The following CS variants were observed in gnomAD, a reference collection of about 807,000 sequenced individuals.
CS encodes the protein citrate synthase, mitochondrial.
In CS, 13 loss-of-function variants were observed where a neutral mutation model predicts 61.4. The ratio of observed to expected loss-of-function variants is 0.21; its 90% CI spans 0.14 to 0.34. The LOEUF is 0.34. CS is among the 10% of genes least tolerant of loss of function. CS has a pLI of 1.00. For missense variants in CS, 278 were observed against 573.4 expected, an observed-to-expected ratio of 0.48 and a Z score of 5.26; for synonymous variants, 159 against 215.2, an observed-to-expected ratio of 0.74 and a Z score of 2.29.
intron 6 of CS, among the ~76,000 whole-genome samples, chr12:56,280,160 A>G (rs1249154828): frequency 2.0e-5 from 3 of 152,098 alleles, no homozygotes; most frequent in Non-Finnish European, 1.5e-5. Context: ...TTAAGCCTGT[A>G]ATCCCAGCAC....
chr12:56,288,756 C>G (rs754422243), intron 1 of CS, among the ~76,000 whole-genome samples: 1 of 151,770 alleles, frequency 6.6e-6, no homozygotes, highest in African/African-American at 2.4e-5. Context: ...TCAAGTGATA[C>G]TTCCACCTCA....
At position 56,285,940 on chromosome 12, in the gene CS, C is replaced by G. The variant is rs200054485; in HGVS notation, c.177G>C (p.Val59=). Reference sequence around the variant, plus strand: ...CCATGTCCACAGTGATTTGGCCCACCACCGTCTTGCCATGTTGCTGCCTGA... The same window carrying G: ...CCATGTCCACAGTGATTTGGCCCACGACCGTCTTGCCATGTTGCTGCCTGA... ...KTFRQQHGKT[V]VGQITVDMMY... is the part of the protein sequence containing the mutation. The change falls in exon 3 of 11, where the codon GTG becomes GTC. Residue 59 remains valine, a synonymous_variant. Coordinates refer to ENST00000351328, the MANE Select transcript of CS (RefSeq NM_004077.3). 3.1e-5 allele frequency: 50 copies of G among 1,612,612 alleles called. No individual in the cohort carries two copies. Among genetic ancestry groups the G allele is most frequent in the Non-Finnish European group, 4.2e-5 (49 of 1,179,926 alleles).
At chr12:56,288,402 A>G (rs993157168) in intron 1 of CS, among the ~76,000 whole-genome samples, 2 of 147,128 alleles carry the variant, frequency 1.4e-5, no homozygotes, top group African/African-American at 2.5e-5. Context: ...CCCAGGCTGA[A>G]GTGCAGTGGC....
Position 56,300,292 on chromosome 12 carries a change from G to T in CS, c.-91C>A. ...CCGCCGCCGCTGCACCAGAGGCCGC[G>T]CCGACGGGTTGACAAGGTTGAAAGG... On this transcript the variant is annotated 5_prime_UTR_variant, in exon 1 of 11. Coordinates refer to ENST00000351328, the MANE Select transcript of CS (RefSeq NM_004077.3). The T allele has an allele frequency of 7.3e-7, 1 of 1,367,110 alleles. No homozygotes were observed. Among genetic ancestry groups the T allele is most frequent in the Non-Finnish European group, 1.0e-6 (1 of 999,912 alleles). The allele number at this position is 1,367,110 out of a possible 1,614,324, so 84.7% of individuals were successfully genotyped here.
chr12:56,286,790 A>C, intron 1 of CS, 145 bp from the exon 2 acceptor site: 1 of 711,392 alleles, frequency 1.4e-6, no homozygotes. Context: ...AAAGTCCCCA[A>C]ACAGTTTGGA....
At chr12:56,299,343 AAAG>A (rs1203616732) in intron 1 of CS, among the ~76,000 whole-genome samples, 1 of 152,212 alleles carries the variant, frequency 6.6e-6, no homozygotes, top group Non-Finnish European at 1.5e-5. Context: ...AAAGGACCCC[AAAG>A]AAGGAGAGAA....
intron 4 of CS, 103 bp from the exon 5 acceptor site, chr12:56,283,094 TA>T: frequency 7.8e-7 from 1 of 1,281,530 alleles, no homozygotes; most frequent in African/African-American, 1.5e-5. Context: ...TAGAACTTTT[TA>T]TGTTAATTAT....
At chr12:56,297,529 C>T (rs1873342354) in intron 1 of CS, among the ~76,000 whole-genome samples, 1 of 152,092 alleles carries the variant, frequency 6.6e-6, no homozygotes, top group South Asian at 2.1e-4. Context: ...TGGTGAAACC[C>T]CGTCTCTACC....
chr12:56,282,746 C>T, intron 5 of CS, 114 bp downstream of exon 5: 3 of 1,548,736 alleles, frequency 1.9e-6, no homozygotes, highest in Non-Finnish European at 1.8e-6. Context: ...TCTGCTGATT[C>T]CTTCCCTTCA....
intron 6 of CS, among the ~76,000 whole-genome samples, chr12:56,279,690 A>G (rs2135913312): frequency 6.6e-6 from 1 of 150,596 alleles, no homozygotes; most frequent in South Asian, 2.1e-4. Flanking sequence ...TGCTTGAACC[A>G]GGGAGGCGGA....
At chr12:56,276,706 T>A (rs1031665922) in intron 6 of CS, among the ~76,000 whole-genome samples, 4 of 152,124 alleles carry the variant, frequency 2.6e-5, no homozygotes, top group Non-Finnish European at 5.9e-5. Context: ...CATACCCGGC[T>A]AATTTTGTAT....
At chr12:56,276,299 G>C (rs1429912839) in intron 6 of CS, 104 bp from the exon 7 acceptor site, 1 of 1,014,582 alleles carries the variant, frequency 9.9e-7, no homozygotes, top group African/African-American at 1.6e-5. Flanking sequence ...TATTTGGGTT[G>C]ATGGTTAGTT....
At chr12:56,298,028 C>A (rs900586694) in intron 1 of CS, among the ~76,000 whole-genome samples, 2 of 148,588 alleles carry the variant, frequency 1.3e-5, no homozygotes, top group African/African-American at 4.9e-5. Flanking sequence ...AACGGAGTTT[C>A]GCTCTTGTTG....
chr12:56,274,357 C>T, intron 9 of CS: 1 of 163,274 alleles, frequency 6.1e-6, no homozygotes, highest in Non-Finnish European at 1.3e-5. Context: ...GTCTGTGTTG[C>T]TCAGGCTGGT....
Position 56,273,709 on chromosome 12 carries a change from T to G in CS, c.1108A>C (p.Asn370His). 1 of 1,614,218 alleles carries G rather than the reference T, an allele frequency of 6.2e-7. No homozygotes were observed. The highest frequency in any genetic ancestry group is 8.5e-7 in the Non-Finnish European group (1 of 1,180,038). ...QREFALKHLP[N>H]DPMFKLVAQL... ...GCAACCAACTTAAACATGGGGTCAT[T>G]AGGCAGGTGTTTCAGAGCAAACTCT... The change falls in exon 10 of 11, where the codon AAT becomes CAT. Residue 370 changes from asparagine (N) to histidine (H), a missense_variant. By Grantham distance (68) the Asn-to-His change is moderately conservative (BLOSUM62 1). Coordinates refer to ENST00000351328, the MANE Select transcript of CS (RefSeq NM_004077.3).
At chr12:56,286,171 G>T (rs1338178743) in intron 2 of CS, 148 bp from the exon 3 acceptor site, 5 of 627,998 alleles carry the variant, frequency 8.0e-6, no homozygotes, top group East Asian at 5.5e-5. Context: ...GAGGGTAAAA[G>T]AATTAGGCAG....
chr12:56,275,830 C>T, intron 7 of CS, 166 bp downstream of exon 7: 2 of 637,248 alleles, frequency 3.1e-6, no homozygotes, highest in Middle Eastern at 4.2e-4. Flanking sequence ...GCCTCCTGAC[C>T]TTGCTTACTA....
Position 56,273,799 on chromosome 12 carries a change from G to C in CS, c.1021-3C>G. Reference sequence around the variant, plus strand: ...GCATGGCCATAGCCTGGAACAACCTGTAAAGAGTGAGGAAAAAAGATAGTA... The same window carrying C: ...GCATGGCCATAGCCTGGAACAACCTCTAAAGAGTGAGGAAAAAAGATAGTA... On this transcript the variant is annotated splice_polypyrimidine_tract_variant and splice_region_variant and intron_variant, in intron 9 of 10. Coordinates refer to ENST00000351328, the MANE Select transcript of CS (RefSeq NM_004077.3). The C allele has an allele frequency of 1.2e-6, 2 of 1,609,972 alleles. No individual in the cohort carries two copies. Among genetic ancestry groups the C allele is most frequent in the Non-Finnish European group, 1.7e-6 (2 of 1,176,256 alleles).
At chr12:56,285,469 A>T (rs561212050) in intron 3 of CS, among the ~76,000 whole-genome samples, 1 of 152,086 alleles carries the variant, frequency 6.6e-6, no homozygotes, top group Non-Finnish European at 1.5e-5. Flanking sequence ...TTTTTCTTTC[A>T]TAGAGATTGT....
Sources: allele counts gnomAD v4.1 joint callset (sites outside exome capture counted in the v4.1 genomes callset), GRCh38; gene constraint gnomAD v4.1.1; transcripts MANE v1.5; gene names NCBI Gene and HGNC (gene_info 2026-07-23, HGNC 2026-07-21).